The following ZNF479 variants were observed in gnomAD, a reference collection of about 807,000 sequenced individuals.
The protein encoded by ZNF479 is KRAB zinc finger protein KR19.
In ZNF479, 15 loss-of-function variants were observed where a neutral mutation model predicts 14.7. The ratio of observed to expected loss-of-function variants is 1.02; its 90% CI spans 0.68 to 1.57. The LOEUF is 1.57. ZNF479 is among the 40% of genes most tolerant of loss of function. ZNF479 has a pLI of 0.00. For missense variants in ZNF479, 506 were observed against 615.1 expected (o/e 0.82, Z 1.88); for synonymous variants, 145 against 211.5 (o/e 0.69, Z 2.73).
intron 3 of ZNF479, among the ~76,000 whole-genome samples, chr7:57,123,566 G>A (rs1473491205): frequency 6.7e-6 from 1 of 150,070 alleles, no homozygotes; most frequent in Non-Finnish European, 1.5e-5. Flanking sequence ...AGGTGCAGTG[G>A]CTCACAGGTG....
chr7:57,134,363 G>T (rs554156394), upstream of ZNF479, among the ~76,000 whole-genome samples: 4 of 152,288 alleles, frequency 2.6e-5, no homozygotes, highest in African/African-American at 9.6e-5. Flanking sequence ...GCACGTGAAA[G>T]ACATTCCCAC....
upstream of ZNF479, among the ~76,000 whole-genome samples, chr7:57,134,921 C>T (rs953994531): frequency 7.9e-5 from 12 of 152,018 alleles, no homozygotes; most frequent in Admixed American, 2.0e-4. Flanking sequence ...GTGATCCTCC[C>T]GCCTCTGCCT....
Position 57,131,655 on chromosome 7 carries a change from C to T in ZNF479, c.39+631G>A, listed in dbSNP as rs4452746. ...ATTTGGCCTAGGCAACCACAGACTG[C>T]CAATTAATCTCTGATGACATAACCA... is the stretch of plus-strand genomic sequence containing the variant. On this transcript the variant is annotated intron_variant, in intron 1 of 3. Coordinates refer to ENST00000319636, the MANE Select transcript of ZNF479 (RefSeq NM_001370129.2). 6.5e-3 allele frequency among the ~76,000 whole-genome samples: 991 copies of T among 152,020 alleles called. 11 individuals carry two copies. Among genetic ancestry groups the T allele is most frequent in the Admixed American group, 0.032 (484 of 15,272 alleles).
At position 57,119,757 on chromosome 7, in the gene ZNF479, G is replaced by T. The variant is rs1425204406; in HGVS notation, c.*83C>A. ...AGGTTTGGAACTGGTTAAAGGCTTG[G>T]CCACATTCTCTACATTTGTAGTGTT... On this transcript the variant is annotated 3_prime_UTR_variant, in exon 4 of 4. Transcript: ENST00000319636. The T allele has an allele frequency of 1.5e-5, 18 of 1,201,328 alleles. No homozygotes were observed. Among genetic ancestry groups the T allele is most frequent in the Non-Finnish European group, 2.1e-5 (18 of 858,308 alleles). 74.4% of individuals were successfully genotyped at this position (1,201,328 alleles called of 1,614,324 possible). A position where few individuals can be genotyped will look rare whatever the true frequency, so the allele number is the denominator to read the frequency against.
At chr7:57,123,582 C>T (rs931751864) in intron 3 of ZNF479, among the ~76,000 whole-genome samples, 3 of 151,986 alleles carry the variant, frequency 2.0e-5, no homozygotes, top group African/African-American at 7.3e-5. Flanking sequence ...AGGTGTAATC[C>T]CAGCAGTTTG....
chr7:57,133,892 A>G (rs899619232), upstream of ZNF479, among the ~76,000 whole-genome samples: 1 of 152,210 alleles, frequency 6.6e-6, no homozygotes, highest in Non-Finnish European at 1.5e-5. Context: ...CAGGTGGAAT[A>G]ACAGGTGGAA....
intron 3 of ZNF479, among the ~76,000 whole-genome samples, chr7:57,121,362 T>C (rs1785939900): frequency 6.6e-6 from 1 of 152,172 alleles, no homozygotes; most frequent in Non-Finnish European, 1.5e-5. Context: ...AGTAAGTGTG[T>C]GCACCATGTG....
At position 57,119,724 on chromosome 7, in the gene ZNF479, T is replaced by C. The variant is rs146804223; in HGVS notation, c.*116A>G. 1.2e-4 allele frequency: 126 copies of C among 1,045,844 alleles called. 1 individual carries two copies. In the East Asian group the frequency reaches 3.3e-3, roughly 27 times the overall value. The allele number at this position is 1,045,844 out of a possible 1,614,324, so 64.8% of individuals were successfully genotyped here. ...TCTGTCCAATATGAATTCTCTTACA[T>C]TCAATTAAGGTTTGGAACTGGTTAA... On this transcript the variant is annotated 3_prime_UTR_variant, in exon 4 of 4. Transcript: ENST00000319636.
Position 57,132,402 on chromosome 7 carries a change from G to A in ZNF479, c.-78C>T, listed in dbSNP as rs1057356901. 16 of 1,606,414 alleles carry A rather than the reference G, an allele frequency of 1.0e-5. No individual in the cohort carries two copies. In the African/African-American group the frequency reaches 1.9e-4, roughly 19 times the overall value. On this transcript the variant is annotated 5_prime_UTR_variant, in exon 1 of 4. Coordinates refer to ENST00000319636, the MANE Select transcript of ZNF479 (RefSeq NM_001370129.2). ...GCAGAGGACACAGAGCAGTGAAGAGGAGAACTGCAGCTCTGGACGCAGAGA... is the reference window on the plus strand; with the variant it reads ...GCAGAGGACACAGAGCAGTGAAGAGAAGAACTGCAGCTCTGGACGCAGAGA...
intron 1 of ZNF479, among the ~76,000 whole-genome samples, chr7:57,130,927 A>G: frequency 6.6e-6 from 1 of 152,342 alleles, no homozygotes; most frequent in African/African-American, 2.4e-5. Context: ...CACTATAAGA[A>G]AGAACAACAT....
chr7:57,128,175 G>A (rs1786262720), intron 1 of ZNF479, among the ~76,000 whole-genome samples: 11 of 152,036 alleles, frequency 7.2e-5, no homozygotes, highest in Admixed American at 6.6e-4. Context: ...CTGACCTCAC[G>A]TGATCCACCT....
chr7:57,137,149 G>T (rs1254780501), upstream of ZNF479, among the ~76,000 whole-genome samples: 1 of 152,118 alleles, frequency 6.6e-6, no homozygotes, highest in Non-Finnish European at 1.5e-5. Flanking sequence ...GAGCATCATG[G>T]TTAAAAGTCA....
Position 57,120,625 on chromosome 7 carries a change from T to A in ZNF479, c.790A>T (p.Thr264Ser), listed in dbSNP as rs1785886468. The A allele has an allele frequency of 6.2e-7, 1 of 1,613,824 alleles. No homozygotes were observed. Among genetic ancestry groups the A allele is most frequent in the East Asian group, 2.2e-5 (1 of 44,894 alleles). The change falls in exon 4 of 4, where the codon ACT becomes TCT. Residue 264 changes from threonine to serine, a missense_variant. Thr to Ser is a moderately conservative substitution (Grantham distance 58). Coordinates refer to ENST00000319636, the MANE Select transcript of ZNF479 (RefSeq NM_001370129.2). ...ANLTRHKRTH[T>S]GEKPYTCEEC... is the part of the protein sequence containing the mutation. Reference sequence around the variant, plus strand: ...TCACACGTGTAGGGTTTCTCTCCAGTATGAGTTCTCTTATGTCTAGTAAGG... The same window carrying A: ...TCACACGTGTAGGGTTTCTCTCCAGAATGAGTTCTCTTATGTCTAGTAAGG...
chr7:57,130,093 C>G (rs1291078906), intron 1 of ZNF479, among the ~76,000 whole-genome samples: 2 of 152,106 alleles, frequency 1.3e-5, no homozygotes, highest in Non-Finnish European at 2.9e-5. Flanking sequence ...AAAGTAAGAG[C>G]AAACCAACTT....
rs1785781410 is a variant in ZNF479 at position 57,118,794 on chromosome 7, G to A, written c.*1046C>T. 6.6e-6 allele frequency among the ~76,000 whole-genome samples: 1 copy of A among 152,212 alleles called. No individual in the cohort carries two copies. The highest frequency in any genetic ancestry group is 2.4e-5 in the African/African-American group (1 of 41,456). ...AATGCTTTCCTGTACCATAAGGTGT[G>A]AGAATTTGTTAAAAGTTTTGCCACA... On this transcript the variant is annotated 3_prime_UTR_variant, in exon 4 of 4. Transcript: ENST00000319636.
chr7:57,138,818 G>A (rs1418296738), intron 1 of ZNF479, among the ~76,000 whole-genome samples: 3 of 152,180 alleles, frequency 2.0e-5, no homozygotes, highest in Admixed American at 2.0e-4. Context: ...TATAGGGAGA[G>A]AGCAAAATAG....
upstream of ZNF479, among the ~76,000 whole-genome samples, chr7:57,136,194 G>A (rs1786649703): frequency 1.3e-5 from 2 of 151,952 alleles, no homozygotes; most frequent in African/African-American, 4.8e-5. Flanking sequence ...GACCAGCCCG[G>A]CCAACATGGC....
At chr7:57,135,424 T>C (rs990528221), upstream of ZNF479, among the ~76,000 whole-genome samples, 5 of 152,140 alleles carry the variant, frequency 3.3e-5, no homozygotes, top group African/African-American at 1.2e-4. Context: ...TTTTTTTGTT[T>C]GTTTTGAGAT....
intron 1 of ZNF479, 95 bp from the exon 2 acceptor site, chr7:57,126,813 G>C: frequency 1.4e-6 from 2 of 1,409,518 alleles, no homozygotes; most frequent in South Asian, 2.5e-5. Flanking sequence ...TTAAAAAAGA[G>C]AGTAAAAAGA....
Sources: gnomAD v4.1 joint callset for allele counts (sites outside exome capture counted in the v4.1 genomes callset) on GRCh38, gnomAD v4.1.1 for gene constraint, MANE v1.5 for transcripts, NCBI Gene and HGNC (gene_info 2026-07-23, HGNC 2026-07-21) for gene names.